CALCOCO1: variants seen among roughly 807,000 people sequenced by gnomAD.
CALCOCO1 encodes the protein calcium-binding and coiled-coil domain-containing protein 1.
In CALCOCO1, 44 loss-of-function variants were observed where a neutral mutation model predicts 86.3. That is an observed-to-expected ratio of 0.51 (90% CI 0.40 to 0.66). CALCOCO1 has a LOEUF of 0.66. CALCOCO1 is among the 30% of genes least tolerant of loss of function. The probability of loss-of-function intolerance (pLI) is 0.00; values close to 1 mark genes in which losing one functional copy is unlikely to be tolerated. For synonymous variants in CALCOCO1, 297 were observed against 327.6 expected (o/e 0.91, Z 1.01); for missense variants, 708 against 851.1 (o/e 0.83, Z 2.09).
rs1191889548 is a variant in CALCOCO1 at position 53,715,222 on chromosome 12, G to T, written c.1364C>A (p.Ala455Asp). ...TQNQVFKTEL[A>D]REKDSSLVQL... is the part of the protein sequence containing the mutation. ...CACCAGGCTAGAATCCTTCTCCCGG[G>T]CCAGCTCAGTCTTGAACACTTGGTT... The change falls in exon 10 of 15, where the codon GCC (alanine) becomes GAC (aspartate). Residue 455 changes from alanine to aspartate, a missense_variant. Physicochemically the swap from Ala to Asp is moderately radical, Grantham distance 126 (BLOSUM62 -2). Coordinates refer to ENST00000550804, the MANE Select transcript of CALCOCO1 (RefSeq NM_020898.3). The T allele has an allele frequency of 6.2e-7, 1 of 1,614,128 alleles. No individual in the cohort carries two copies. The highest frequency in any genetic ancestry group is 2.2e-5 in the East Asian group (1 of 44,880).
intron 9 of CALCOCO1, 56 bp from the exon 10 acceptor site, chr12:53,715,381 C>CACCAT: frequency 1.2e-6 from 2 of 1,603,844 alleles, no homozygotes; most frequent in East Asian, 2.2e-5. Context: ...AAAAGGAACG[C>CACCAT]CACTGTCAAC....
rs747381370 is a variant in CALCOCO1, at chr12:53,713,837, T to C, written c.1655A>G (p.Tyr552Cys). Reference sequence around the variant, plus strand: ...TGGGTCTCCACGCTCACAAAGGCCATAGGGTGGGAGCCTCATGTCTTCTGG... The same window carrying C: ...TGGGTCTCCACGCTCACAAAGGCCACAGGGTGGGAGCCTCATGTCTTCTGG... ...ESPEDMRLPP[Y>C]GLCERGDPGS... The change falls in exon 13 of 15, where the codon TAT becomes TGT. Residue 552 changes from tyrosine (Y) to cysteine (C), a missense_variant. Physicochemically the swap from Tyr to Cys is radical, Grantham distance 194. Coordinates refer to ENST00000550804, the MANE Select transcript of CALCOCO1 (RefSeq NM_020898.3). 1.9e-6 allele frequency: 3 copies of C among 1,552,218 alleles called. No individual in the cohort carries two copies. Among genetic ancestry groups the C allele is most frequent in the Non-Finnish European group, 1.7e-6 (2 of 1,151,106 alleles).
intron 12 of CALCOCO1, 26 bp from the exon 13 acceptor site, chr12:53,713,926 A>G (rs763056080): frequency 6.6e-7 from 1 of 1,521,024 alleles, no homozygotes; most frequent in Non-Finnish European, 8.8e-7. Flanking sequence ...CAGGCAGAGA[A>G]GAAAAAAGGA....
chr12:53,716,186 CT>C (rs766859484), intron 8 of CALCOCO1, 73 bp downstream of exon 8: 13 of 1,595,098 alleles, frequency 8.1e-6, no homozygotes, highest in Non-Finnish European at 1.1e-5. Context: ...CTCCCCTTCT[CT>C]TTAGACACGC....
At chr12:53,725,787 C>T (rs1225505829) in intron 1 of CALCOCO1, 1 of 152,260 alleles carries the variant, frequency 6.6e-6, no homozygotes, top group East Asian at 1.9e-4. Context: ...GTTTTCAGAG[C>T]TAGAATATGG....
rs753456037 is a variant in CALCOCO1, at chr12:53,716,276, T to C, written c.989A>G (p.Gln330Arg). Residue 330 changes from glutamine to arginine, a missense_variant, in exon 8 of 15, where the codon CAG (glutamine) becomes CGG (arginine). Transcript: ENST00000550804. ...KVAQMKDTLG[Q>R]AQQRVAELEP... Reference sequence around the variant, plus strand: ...CTCACTCACCACCCGCTGCTGGGCCTGGCCTAGGGTGTCCTTCATCTGGGC... The same window carrying C: ...CTCACTCACCACCCGCTGCTGGGCCCGGCCTAGGGTGTCCTTCATCTGGGC... The C allele has an allele frequency of 2.8e-5, 45 of 1,613,816 alleles. No homozygotes were observed. The highest frequency in any genetic ancestry group is 3.2e-5 in the Non-Finnish European group (38 of 1,179,914).
intron 4 of CALCOCO1, 91 bp from the exon 5 acceptor site, chr12:53,722,274 T>G (rs1945894852): frequency 6.8e-7 from 1 of 1,481,204 alleles, no homozygotes; most frequent in African/African-American, 1.4e-5. Flanking sequence ...ATTTTGGGTT[T>G]GGGAAGTTAC....
At chr12:53,712,237 T>A in intron 14 of CALCOCO1, 116 bp from the exon 15 acceptor site, 1 of 834,120 alleles carries the variant, frequency 1.2e-6, no homozygotes, top group Non-Finnish European at 1.9e-6. Context: ...CTGTGCCTAA[T>A]GCAGCATCCT....
chr12:53,712,807 G>C (rs760082739), intron 14 of CALCOCO1: 1 of 1,396,024 alleles, frequency 7.2e-7, no homozygotes, highest in East Asian at 3.7e-5. Context: ...AGGCAGGAGA[G>C]AGGGGAAGCA....
chr12:53,714,863 T>C (rs150752315), intron 10 of CALCOCO1, among the ~76,000 whole-genome samples, 170 bp from the exon 11 acceptor site: 14 of 152,250 alleles, frequency 9.2e-5, no homozygotes, highest in African/African-American at 3.4e-4. Context: ...GAGTACTTTG[T>C]CTTGGGCCAC....
In CALCOCO1 at chr12:53,709,772, G is replaced by T. The variant is rs1196133633; in HGVS notation, c.*2172C>A. 6.6e-6 allele frequency: 1 copy of T among 152,400 alleles called. No individual in the cohort carries two copies. The highest frequency in any genetic ancestry group is 2.4e-5 in the African/African-American group (1 of 41,434). 9.4% of individuals were successfully genotyped at this position (152,400 alleles called of 1,614,324 possible). ...GCGGCTTGGCAGGGGCTGTGGCATG[G>T]GAGCAGGGGCCTGGGTTCCTGTTTG... On this transcript the variant is annotated 3_prime_UTR_variant, in exon 15 of 15. Coordinates refer to ENST00000550804, the MANE Select transcript of CALCOCO1 (RefSeq NM_020898.3).
intron 7 of CALCOCO1, among the ~76,000 whole-genome samples, chr12:53,718,788 C>T (rs1945794141): frequency 6.6e-6 from 1 of 151,848 alleles, no homozygotes; most frequent in Admixed American, 6.6e-5. Flanking sequence ...CCTTGGCCTC[C>T]CAAAGTGTTA....
intron 14 of CALCOCO1, chr12:53,712,617 A>C: frequency 3.4e-6 from 1 of 293,046 alleles, no homozygotes; most frequent in Non-Finnish European, 6.5e-6. Flanking sequence ...CCCCACCTCT[A>C]TAGGTTCCCT....
intron 5 of CALCOCO1, 88 bp from the exon 6 acceptor site, chr12:53,721,703 G>T: frequency 2.0e-6 from 3 of 1,491,698 alleles, no homozygotes; most frequent in Non-Finnish European, 2.8e-6. Flanking sequence ...GCACACCAGG[G>T]TCTGACTGCT....
rs1351830707 is a variant in CALCOCO1 at position 53,713,092 on chromosome 12, G to T, written c.1898+8C>A. On this transcript the variant is annotated splice_region_variant and intron_variant, in intron 14 of 14. Transcript: ENST00000550804. Reference sequence around the variant, plus strand: ...CACCTCCCTCCTGGCCTTGCTGGTTGAACTCACCTGGCCATGTCATAGAAG... The same window carrying T: ...CACCTCCCTCCTGGCCTTGCTGGTTTAACTCACCTGGCCATGTCATAGAAG... 6.2e-7 allele frequency: 1 copy of T among 1,612,036 alleles called. No homozygotes were observed. The highest frequency in any genetic ancestry group is 1.7e-5 in the Admixed American group (1 of 60,020).
At position 53,723,789 on chromosome 12, in the gene CALCOCO1, G is replaced by A. The variant is rs374400908; in HGVS notation, c.260-6C>T. The A allele has an allele frequency of 1.2e-6, 2 of 1,611,184 alleles. No homozygotes were observed. Among genetic ancestry groups the A allele is most frequent in the East Asian group, 2.2e-5 (1 of 44,798 alleles). On this transcript the variant is annotated splice_region_variant and splice_polypyrimidine_tract_variant and intron_variant, in intron 3 of 14. Transcript: ENST00000550804. ...TGGTTTGGGCAGGTAGCTGGCTGTG[G>A]GAAGAAGAATGGACCCAGGACCCCA...
At chr12:53,720,473 T>C (rs565228839) in intron 6 of CALCOCO1, among the ~76,000 whole-genome samples, 4 of 152,366 alleles carry the variant, frequency 2.6e-5, no homozygotes, top group African/African-American at 9.6e-5. Context: ...ATTTGGCTTG[T>C]GGGCCATAGT....
At chr12:53,721,439 A>G (rs1945863370) in intron 6 of CALCOCO1, 28 bp downstream of exon 6, 3 of 1,566,650 alleles carry the variant, frequency 1.9e-6, no homozygotes, top group Middle Eastern at 1.7e-4. Flanking sequence ...AGGGAGAGGA[A>G]GTGACGGGGT....
At chr12:53,721,181 C>T (rs1007266980) in intron 6 of CALCOCO1, among the ~76,000 whole-genome samples, 1 of 152,234 alleles carries the variant, frequency 6.6e-6, no homozygotes, top group Non-Finnish European at 1.5e-5. Flanking sequence ...GACTTCCATC[C>T]ATTCTCTTCT....
Sources: gnomAD v4.1 joint callset for allele counts (sites outside exome capture counted in the v4.1 genomes callset) on GRCh38, gnomAD v4.1.1 for gene constraint, MANE v1.5 for transcripts, NCBI Gene and HGNC (gene_info 2026-07-23, HGNC 2026-07-21) for gene names.